The following CDH2 variants were observed in gnomAD, a reference collection of about 807,000 sequenced individuals.
CDH2 encodes the protein cadherin 2.
Under a neutral mutation model 92.0 loss-of-function variants are expected in CDH2, and 17 were observed. The ratio of observed to expected loss-of-function variants is 0.18; its 90% confidence interval spans 0.13 to 0.28. The LOEUF (loss-of-function observed/expected upper bound fraction) is 0.28. Ranked by LOEUF, CDH2 falls within the 10% of genes least tolerant of loss-of-function variation. CDH2 has a pLI of 1.00. For synonymous variants in CDH2, 419 were observed against 415.9 expected (o/e 1.01, Z -0.09); for missense variants, 862 against 1,133.1 (o/e 0.76, Z 3.44).
At chr18:28,152,261 G>A (rs563728940) in intron 1 of CDH2, among the ~76,000 whole-genome samples, 1 of 152,306 alleles carries the variant, frequency 6.6e-6, no homozygotes, top group East Asian at 1.9e-4. Context: ...AAGAGAGAAA[G>A]GGCAGGATTC....
intron 2 of CDH2, chr18:28,146,544 A>G: frequency 6.6e-6 from 1 of 152,138 alleles, no homozygotes; most frequent in East Asian, 1.9e-4. Flanking sequence ...GCCTTAAAAA[A>G]ATTAAAAATC....
chr18:28,067,452 C>G (rs539186077), intron 2 of CDH2, among the ~76,000 whole-genome samples: 2 of 152,108 alleles, frequency 1.3e-5, no homozygotes, highest in Non-Finnish European at 2.9e-5. Context: ...TAAGATTTAC[C>G]TAAACATTTC....
intron 7 of CDH2, among the ~76,000 whole-genome samples, chr18:27,997,795 T>G (rs944085988): frequency 6.6e-6 from 1 of 152,016 alleles, no homozygotes; most frequent in African/African-American, 2.4e-5. Context: ...AGTATAGATT[T>G]GTGACTCTGT....
intron 2 of CDH2, among the ~76,000 whole-genome samples, chr18:28,039,219 G>C (rs1468829303): frequency 1.3e-5 from 2 of 152,038 alleles, no homozygotes; most frequent in East Asian, 3.9e-4. Context: ...TTAGCTCCTT[G>C]CATGAATCCA....
intron 2 of CDH2, among the ~76,000 whole-genome samples, chr18:28,025,118 T>TA (rs1170273039): frequency 6.6e-6 from 1 of 152,148 alleles, no homozygotes; most frequent in Non-Finnish European, 1.5e-5. Context: ...AATTTTGTGG[T>TA]GGTTGCTCCA....
At chr18:28,154,557 T>C (rs2016178369) in intron 1 of CDH2, among the ~76,000 whole-genome samples, 2 of 152,258 alleles carry the variant, frequency 1.3e-5, no homozygotes, top group Non-Finnish European at 2.9e-5. Flanking sequence ...AGTCTCTCTG[T>C]TCTGGTTCTG....
At chr18:28,069,460 GT>G (rs1342340916) in intron 2 of CDH2, among the ~76,000 whole-genome samples, 2 of 152,014 alleles carry the variant, frequency 1.3e-5, no homozygotes, top group Non-Finnish European at 2.9e-5. Context: ...CCCATGTTTT[GT>G]TTCATTCCAA....
At chr18:27,941,456 T>C (rs1373626258) in intron 6 of CDH2, among the ~76,000 whole-genome samples, 2 of 152,242 alleles carry the variant, frequency 1.3e-5, no homozygotes, top group Non-Finnish European at 2.9e-5. Context: ...TGGTCTCATT[T>C]CACATTCTTC....
At chr18:27,960,911 A>AGAAAATTCCAAATGG (rs2011384864) in intron 15 of CDH2, among the ~76,000 whole-genome samples, 1 of 152,140 alleles carries the variant, frequency 6.6e-6, no homozygotes, top group East Asian at 1.9e-4. Context: ...TTTAGGAGAA[A>AGAAAATTCCAAATGG]GAAAATTCCA....
chr18:28,028,551 AAGGTC>A (rs1467958213), intron 2 of CDH2, among the ~76,000 whole-genome samples: 55 of 152,270 alleles, frequency 3.6e-4, no homozygotes, highest in African/African-American at 1.3e-3. Flanking sequence ...TTAGGAGAAA[AAGGTC>A]AGGATCATAC....
intron 1 of CDH2, among the ~76,000 whole-genome samples, chr18:28,175,028 C>G (rs1436529448): frequency 2.0e-5 from 3 of 152,202 alleles, no homozygotes; most frequent in Non-Finnish European, 4.4e-5. Context: ...ACTTCAAATA[C>G]TTTAGAAGCA....
intron 14 of CDH2, among the ~76,000 whole-genome samples, chr18:27,966,490 T>G (rs913053117): frequency 6.6e-6 from 1 of 152,202 alleles, no homozygotes; most frequent in Non-Finnish European, 1.5e-5. Flanking sequence ...TCCAACTGTA[T>G]CCAGAGGCTG....
intron 7 of CDH2, among the ~76,000 whole-genome samples, chr18:27,995,199 A>G (rs2012541485): frequency 6.6e-6 from 1 of 151,226 alleles, no homozygotes; most frequent in Non-Finnish European, 1.5e-5. Context: ...CTGAAATCCC[A>G]GCTACTCGGG....
intron 2 of CDH2, among the ~76,000 whole-genome samples, chr18:28,130,968 T>C (rs1568010133): frequency 6.6e-6 from 1 of 152,140 alleles, no homozygotes; most frequent in Non-Finnish European, 1.5e-5. Flanking sequence ...CGCTAATCCA[T>C]TCAATGGAAT....
chr18:28,031,880 G>C (rs2013704985), intron 2 of CDH2, among the ~76,000 whole-genome samples: 1 of 152,040 alleles, frequency 6.6e-6, no homozygotes, highest in African/African-American at 2.4e-5. Context: ...GAGCCGACTT[G>C]TCCAGTCAAA....
intron 14 of CDH2, among the ~76,000 whole-genome samples, chr18:27,965,305 T>G (rs1392342431): frequency 6.6e-6 from 1 of 152,216 alleles, no homozygotes; most frequent in Non-Finnish European, 1.5e-5. Flanking sequence ...ATACATACGC[T>G]GATGGAAAAG....
At chr18:27,993,709 C>A in intron 7 of CDH2, 72 bp from the exon 8 acceptor site, 1 of 1,191,584 alleles carries the variant, frequency 8.4e-7, no homozygotes, top group Admixed American at 1.9e-5. Flanking sequence ...GTTCTGTAAA[C>A]GGCTCTTTAT....
intron 2 of CDH2, among the ~76,000 whole-genome samples, chr18:28,020,476 G>A (rs2013379868): frequency 6.6e-6 from 1 of 151,856 alleles, no homozygotes. Context: ...CTAATATCAT[G>A]GACATTTGAC....
rs546634677 is a variant in CDH2 at position 28,057,199 on chromosome 18, TTGGAC to T, written c.173-43295_173-43291del. ...TTCTGATAATTTTAAGAACCTATCA[TTGGAC>T]TGGGTAAGAATTCTCAGAAATCTAA... On this transcript the variant is annotated intron_variant, in intron 2 of 15. Coordinates refer to ENST00000269141, the MANE Select transcript of CDH2 (RefSeq NM_001792.5). Among the ~76,000 whole-genome samples the T allele has an allele frequency of 3.9e-5, 6 of 152,298 alleles. No homozygotes were observed. The South Asian group carries it at 1.2e-3, about 32-fold the overall frequency.
Sources: allele counts gnomAD v4.1 joint callset (sites outside exome capture counted in the v4.1 genomes callset), GRCh38; gene constraint gnomAD v4.1.1; transcripts MANE v1.5; gene names NCBI Gene and HGNC (gene_info 2026-07-23, HGNC 2026-07-21).